Variants in FLRT3 observed in about 807,000 individuals in gnomAD.
FLRT3 encodes leucine-rich repeat transmembrane protein FLRT3.
A neutral mutation model predicts 42.6 loss-of-function variants in FLRT3; 17 were observed. The observed-to-expected ratio is 0.40, with a 90% CI of 0.27 to 0.60. The LOEUF (loss-of-function observed/expected upper bound fraction) is 0.60. Among genes scored for constraint, FLRT3 ranks in the 20% least tolerant of loss-of-function variants. The probability of loss-of-function intolerance (pLI) is 0.44; values close to 1 mark genes in which losing one functional copy is unlikely to be tolerated. For missense variants in FLRT3, 635 were observed against 789.2 expected (o/e 0.80, Z 2.34); for synonymous variants, 279 against 286.4 (o/e 0.97, Z 0.26).
Position 14,325,842 on chromosome 20 carries a change from A to G in FLRT3, c.1665T>C (p.Asn555=). 1 of 1,613,958 alleles carries G rather than the reference A, an allele frequency of 6.2e-7. No individual in the cohort carries two copies. The highest frequency in any genetic ancestry group is 8.5e-7 in the Non-Finnish European group (1 of 1,179,882). Reference sequence around the variant, plus strand: ...CACAGTTCCTTGAGAAGAGCGATCCATTCCTATGAACATACCAACACACTA... The same window carrying G: ...CACAGTTCCTTGAGAAGAGCGATCCGTTCCTATGAACATACCAACACACTA... The part of the protein sequence containing the change: ...LALVCWYVHR[N]GSLFSRNCAY... Residue 555 remains asparagine (N), a synonymous_variant, in exon 3 of 3, where the codon AAT becomes AAC. Transcript: ENST00000341420.
At chr20:14,334,267 T>A (rs1258395725) in intron 1 of FLRT3, among the ~76,000 whole-genome samples, 1 of 152,198 alleles carries the variant, frequency 6.6e-6, no homozygotes, top group Non-Finnish European at 1.5e-5. Flanking sequence ...CCAAATTGAG[T>A]GATGTCGATC....
At chr20:14,330,913 T>C (rs1411725883) in intron 1 of FLRT3, among the ~76,000 whole-genome samples, 1 of 152,160 alleles carries the variant, frequency 6.6e-6, no homozygotes, top group African/African-American at 2.4e-5. Flanking sequence ...TAAAAGTTTT[T>C]TAAACTTGAA....
rs1269273251 is a variant in FLRT3 at position 14,325,864 on chromosome 20, A to G, written c.1643T>C (p.Val548Ala). Residue 548 changes from valine (V) to alanine (A), a missense_variant, in exon 3 of 3, where the codon GTG becomes GCG. Coordinates refer to ENST00000341420, the MANE Select transcript of FLRT3 (RefSeq NM_198391.3). ...TCCATTCCTATGAACATACCAACAC[A>G]CTAAAGCAAGAAGGGCAATGGTAAC... ...ALVTIALLAL[V>A]CWYVHRNGSL... 11 of 1,613,812 alleles carry G rather than the reference A, an allele frequency of 6.8e-6. No homozygotes were observed. The highest frequency in any genetic ancestry group is 1.3e-5 in the African/African-American group (1 of 74,884).
rs1299178519 is a variant in FLRT3, at chr20:14,327,140, A to T, written c.367T>A (p.Ser123Thr). The change falls in exon 3 of 3, where the codon TCA becomes ACA. Residue 123 changes from serine (S) to threonine (T), a missense_variant. Transcript: ENST00000341420. ...ENNIRTITYD[S>T]LSKIPYLEEL... ...TCCAGATAGGGAATTTTTGAAAGTG[A>T]ATCATAAGTGATAGTCCTTATGTTA... 6.2e-7 allele frequency: 1 copy of T among 1,613,800 alleles called. No individual in the cohort carries two copies. The highest frequency in any genetic ancestry group is 1.1e-5 in the South Asian group (1 of 91,086).
At chr20:14,336,554 G>T (rs1342976162) in intron 1 of FLRT3, among the ~76,000 whole-genome samples, 1 of 152,042 alleles carries the variant, frequency 6.6e-6, no homozygotes, top group Non-Finnish European at 1.5e-5. Context: ...ATTATAAGTT[G>T]CAAAGAATGG....
At position 14,325,943 on chromosome 20, in the gene FLRT3, A is replaced by G. The variant is rs2082726061; in HGVS notation, c.1564T>C (p.Tyr522His). 6.2e-7 allele frequency: 1 copy of G among 1,613,890 alleles called. No homozygotes were observed. Among genetic ancestry groups the G allele is most frequent in the East Asian group, 2.2e-5 (1 of 44,864 alleles). Residue 522 changes from tyrosine to histidine, a missense_variant, in exon 3 of 3, where the codon TAC becomes CAC. Coordinates refer to ENST00000341420, the MANE Select transcript of FLRT3 (RefSeq NM_198391.3). ...TLNREQEKEP[Y>H]KNPNLPLAAI... is the part of the protein sequence containing the mutation. ...GCCAAAGGTAAATTGGGGTTTTTGT[A>G]AGGTTCTTTCTCTTGCTCTCGATTG...
intron 1 of FLRT3, among the ~76,000 whole-genome samples, chr20:14,331,861 A>G (rs1433943830): frequency 6.6e-6 from 1 of 152,124 alleles, no homozygotes; most frequent in African/African-American, 2.4e-5. Flanking sequence ...GAAAAGAAAA[A>G]TGACCCCCAC....
Position 14,327,474 on chromosome 20 carries a change from G to T in FLRT3, c.33C>A (p.Ile11=). The change falls in exon 3 of 3, where the codon ATC becomes ATA. Residue 11 remains isoleucine (I), a synonymous_variant. Transcript: ENST00000341420. ...GAAGGAACAGCCCAATTTTAGTCCC[G>T]ATGAGGAAGATGCTCCAGGCTGCGC... The part of the protein sequence containing the change: MISAAWSIFL[I]GTKIGLFLQV... 1 of 1,613,114 alleles carries T rather than the reference G, an allele frequency of 6.2e-7. No homozygotes were observed. The highest frequency in any genetic ancestry group is 8.5e-7 in the Non-Finnish European group (1 of 1,179,436).
intron 1 of FLRT3, among the ~76,000 whole-genome samples, chr20:14,336,661 T>G (rs1379269899): frequency 6.6e-6 from 1 of 152,190 alleles, no homozygotes; most frequent in Non-Finnish European, 1.5e-5. Flanking sequence ...GCTTCCAGGG[T>G]GAGCTTTGTT....
chr20:14,335,228 A>G (rs1312617899), intron 1 of FLRT3, among the ~76,000 whole-genome samples: 1 of 152,154 alleles, frequency 6.6e-6, no homozygotes. Flanking sequence ...TCATCTAGAG[A>G]GACTGAGTGT....
At position 14,327,076 on chromosome 20, in the gene FLRT3, C is replaced by G; in HGVS notation, c.431G>C (p.Ser144Thr). Reference protein sequence around the residue: ...HLDDNSVSAVSIEEGAFRDSN... With the variant: ...HLDDNSVSAVTIEEGAFRDSN... ...GTCTCGGAATGCTCCCTCTTCTATG[C>G]TAACTGCAGAGACAGAGTTGTCATC... Residue 144 changes from serine to threonine, a missense_variant, in exon 3 of 3, where the codon AGC becomes ACC. By Grantham distance (58) the Ser-to-Thr change is moderately conservative (BLOSUM62 1). Transcript: ENST00000341420. 1 of 1,613,712 alleles carries G rather than the reference C, an allele frequency of 6.2e-7. No homozygotes were observed.
chr20:14,333,813 A>G (rs1289983033), intron 1 of FLRT3, among the ~76,000 whole-genome samples: 1 of 152,220 alleles, frequency 6.6e-6, no homozygotes, highest in African/African-American at 2.4e-5. Flanking sequence ...TACTTAAACC[A>G]GATGAAGAGG....
chr20:14,331,761 A>G (rs1052384700), intron 1 of FLRT3, among the ~76,000 whole-genome samples: 8 of 152,104 alleles, frequency 5.3e-5, no homozygotes, highest in Admixed American at 4.6e-4. Flanking sequence ...TCAAAAATGA[A>G]CGATCCTCTC....
chr20:14,324,439 G>C lies in FLRT3; in HGVS notation c.*1118C>G, dbSNP rs578055082. On this transcript the variant is annotated 3_prime_UTR_variant, in exon 3 of 3. Transcript: ENST00000341420. ...TGTGACAGTAATGGGCAGTATTCTT[G>C]ATCTTTGTAAAAGTAAATTGAACAT... The C allele has an allele frequency of 6.6e-6, 1 of 152,512 alleles. No homozygotes were observed. The highest frequency in any genetic ancestry group is 1.5e-5 in the Non-Finnish European group (1 of 68,000). The allele number at this position is 152,512 out of a possible 1,614,324, so 9.4% of individuals were successfully genotyped here.
chr20:14,332,300 A>G (rs868297899), intron 1 of FLRT3, among the ~76,000 whole-genome samples: 1 of 152,118 alleles, frequency 6.6e-6, no homozygotes, highest in African/African-American at 2.4e-5. Context: ...TAAGGATACT[A>G]TTTTAGGGAA....
In FLRT3 at chr20:14,325,453, T is replaced by G. The variant is rs1365741845; in HGVS notation, c.*104A>C. The G allele has an allele frequency of 2.1e-5, 27 of 1,257,248 alleles. No individual in the cohort carries two copies. Among genetic ancestry groups the G allele is most frequent in the Non-Finnish European group, 3.0e-5 (27 of 905,916 alleles). 77.9% of individuals were successfully genotyped at this position (1,257,248 alleles called of 1,614,324 possible). ...GCAAATGTACAGTACATTGCTTTTT[T>G]TCAGTCTCTTTTTCCAGTGTTTTGC... On this transcript the variant is annotated 3_prime_UTR_variant, in exon 3 of 3. Coordinates refer to ENST00000341420, the MANE Select transcript of FLRT3 (RefSeq NM_198391.3).
In FLRT3 at chr20:14,325,560, T is replaced by C. The variant is rs904974075; in HGVS notation, c.1947A>G (p.Ser649=). 5 of 1,607,278 alleles carry C rather than the reference T, an allele frequency of 3.1e-6. No homozygotes were observed. The highest frequency in any genetic ancestry group is 2.7e-5 in the African/African-American group (2 of 74,768). Reference sequence around the variant, plus strand: ...GTCTGCTGTGAGTCCTTCAGCATCATGAGTGTGAGTGATCTGAGTCTGGAA... The same window carrying C: ...GTCTGCTGTGAGTCCTTCAGCATCACGAGTGTGAGTGATCTGAGTCTGGAA... The part of the protein sequence containing the change: ...SGIPDSDHSH[S] Residue 649 remains serine (S), a synonymous_variant, in exon 3 of 3, where the codon TCA becomes TCG. Coordinates refer to ENST00000341420, the MANE Select transcript of FLRT3 (RefSeq NM_198391.3).
chr20:14,337,035 C>A (rs1426054945), intron 1 of FLRT3, among the ~76,000 whole-genome samples: 3 of 152,166 alleles, frequency 2.0e-5, no homozygotes, highest in Non-Finnish European at 2.9e-5. Context: ...GTGATCATCC[C>A]ACACGTACAG....
At chr20:14,331,338 G>A (rs929681851) in intron 1 of FLRT3, among the ~76,000 whole-genome samples, 3 of 152,036 alleles carry the variant, frequency 2.0e-5, no homozygotes, top group Non-Finnish European at 4.4e-5. Flanking sequence ...GTGAAAAGAC[G>A]GAAGATTAAT....
Sources: gnomAD v4.1 joint callset for allele counts (sites outside exome capture counted in the v4.1 genomes callset) on GRCh38, gnomAD v4.1.1 for gene constraint, MANE v1.5 for transcripts, NCBI Gene and HGNC (gene_info 2026-07-23, HGNC 2026-07-21) for gene names.